The following ADGRL3 variants were observed in gnomAD, a reference collection of about 807,000 sequenced individuals.
The protein encoded by ADGRL3 is calcium-independent alpha-latrotoxin receptor 3.
Under a neutral mutation model 153.5 loss-of-function variants are expected in ADGRL3, and 62 were observed. The ratio of observed to expected loss-of-function variants is 0.40; its 90% confidence interval spans 0.33 to 0.50. The LOEUF is 0.50. Among genes scored for constraint, ADGRL3 ranks in the 20% least tolerant of loss-of-function variants. The pLI is 0.47. For missense variants in ADGRL3, 1,641 were observed against 1,859.4 expected, an observed-to-expected ratio of 0.88 and a Z score of 2.16; for synonymous variants, 710 against 672.5, an observed-to-expected ratio of 1.06 and a Z score of -0.86.
At chr4:61,951,534 A>G (rs2150354312) in intron 17 of ADGRL3, among the ~76,000 whole-genome samples, 1 of 152,318 alleles carries the variant, frequency 6.6e-6, no homozygotes, top group South Asian at 2.1e-4. Context: ...ATTATTCCCA[A>G]TTCTATGTGG....
intron 2 of ADGRL3, among the ~76,000 whole-genome samples, chr4:61,445,644 T>A (rs1201429536): frequency 6.6e-6 from 1 of 152,218 alleles, no homozygotes; most frequent in African/African-American, 2.4e-5. Flanking sequence ...TCATCGTCTC[T>A]CCTTCATTGT....
intron 1 of ADGRL3, among the ~76,000 whole-genome samples, chr4:61,248,888 A>T (rs768439617): frequency 1.1e-4 from 17 of 152,160 alleles, no homozygotes; most frequent in Non-Finnish European, 2.2e-4. Context: ...GTTTTCCTTT[A>T]TCTGTCACTA....
At chr4:61,680,164 A>C (rs1354752200) in intron 6 of ADGRL3, among the ~76,000 whole-genome samples, 1 of 152,062 alleles carries the variant, frequency 6.6e-6, no homozygotes, top group African/African-American at 2.4e-5. Context: ...TCTTGATAAA[A>C]GATCACTATT....
chr4:61,583,038 T>G (rs2098932401), intron 4 of ADGRL3, among the ~76,000 whole-genome samples: 1 of 152,094 alleles, frequency 6.6e-6, no homozygotes, highest in Admixed American at 6.6e-5. Context: ...ATTTAACGTA[T>G]TTCAACTGAA....
chr4:61,735,784 A>G (rs984580834), intron 8 of ADGRL3, among the ~76,000 whole-genome samples: 5 of 152,184 alleles, frequency 3.3e-5, no homozygotes, highest in African/African-American at 1.2e-4. Context: ...TTTATTTAGA[A>G]TAATAGATAG....
At chr4:61,565,271 A>G (rs1249692442) in intron 4 of ADGRL3, among the ~76,000 whole-genome samples, 4 of 152,176 alleles carry the variant, frequency 2.6e-5, no homozygotes, top group Non-Finnish European at 5.9e-5. Context: ...CATATCATCT[A>G]TTGTATGATT....
At chr4:61,490,449 C>G (rs1035772650) in intron 2 of ADGRL3, among the ~76,000 whole-genome samples, 1 of 152,128 alleles carries the variant, frequency 6.6e-6, no homozygotes, top group Middle Eastern at 3.4e-3. Flanking sequence ...CATGACCAAA[C>G]ACAGTGCATA....
chr4:61,431,559 T>G (rs2097355940), intron 2 of ADGRL3, among the ~76,000 whole-genome samples: 1 of 152,164 alleles, frequency 6.6e-6, no homozygotes, highest in Non-Finnish European at 1.5e-5. Context: ...ATTTAGACAA[T>G]TTCATATAAA....
At position 62,076,647 on chromosome 4, in the gene ADGRL3, C is replaced by T. The variant is rs1747228562; in HGVS notation, c.*5739C>T. 1 of 151,996 alleles carries T rather than the reference C, an allele frequency of 6.6e-6. No individual in the cohort carries two copies. The highest frequency in any genetic ancestry group is 2.4e-5 in the African/African-American group (1 of 41,440). 9.4% of individuals were successfully genotyped at this position (151,996 alleles called of 1,614,324 possible). On this transcript the variant is annotated 3_prime_UTR_variant, in exon 27 of 27. Coordinates refer to ENST00000683033, the MANE Select transcript of ADGRL3 (RefSeq NM_001387552.1). The stretch of plus-strand genomic sequence containing the variant: ...ATGGGAGTTTCCTATATTCTGATTT[C>T]ATTCTGCTAATTCCACGGGAAACAT...
At chr4:61,253,691 C>CCACACACATA (rs2091683545) in intron 1 of ADGRL3, among the ~76,000 whole-genome samples, 1 of 140,396 alleles carries the variant, frequency 7.1e-6, no homozygotes, top group Non-Finnish European at 1.6e-5. Flanking sequence ...ATGTTCAGTT[C>CCACACACATA]CACACACACA....
intron 2 of ADGRL3, among the ~76,000 whole-genome samples, chr4:61,398,217 T>G (rs1286631534): frequency 6.6e-6 from 1 of 151,710 alleles, no homozygotes; most frequent in African/African-American, 2.4e-5. Context: ...TTAAAGAGTA[T>G]TTTACTAGAA....
intron 8 of ADGRL3, among the ~76,000 whole-genome samples, chr4:61,802,333 G>A (rs2097507836): frequency 3.9e-5 from 6 of 152,036 alleles, no homozygotes; most frequent in African/African-American, 1.4e-4. Context: ...AATCTCTCTG[G>A]TAATTGGGCT....
intron 1 of ADGRL3, among the ~76,000 whole-genome samples, chr4:61,275,775 T>C (rs2093431190): frequency 6.6e-6 from 1 of 152,190 alleles, no homozygotes; most frequent in Non-Finnish European, 1.5e-5. Context: ...ACTGGGCATT[T>C]GGTTACTTAC....
intron 5 of ADGRL3, among the ~76,000 whole-genome samples, chr4:61,642,785 C>G (rs1560984642): frequency 6.6e-6 from 1 of 151,988 alleles, no homozygotes; most frequent in Non-Finnish European, 1.5e-5. Flanking sequence ...TTTTTTGGTT[C>G]CATATGAACT....
intron 5 of ADGRL3, among the ~76,000 whole-genome samples, chr4:61,629,219 T>C (rs1415060991): frequency 1.3e-5 from 2 of 152,136 alleles, no homozygotes; most frequent in Non-Finnish European, 2.9e-5. Flanking sequence ...CATTTGCAAA[T>C]AATTGATGCT....
chr4:61,644,995 A>G (rs373257592), intron 5 of ADGRL3, among the ~76,000 whole-genome samples: 3,408 of 152,112 alleles, frequency 0.022, 113 homozygotes, highest in East Asian at 0.14. Flanking sequence ...TATATTTAGG[A>G]TAGTTAGCTC....
intron 5 of ADGRL3, among the ~76,000 whole-genome samples, chr4:61,663,058 C>T (rs149504780): frequency 3.3e-5 from 5 of 152,320 alleles, no homozygotes; most frequent in Admixed American, 3.3e-4. Flanking sequence ...TTGCTTTGCT[C>T]ACCCTTCACT....
intron 1 of ADGRL3, among the ~76,000 whole-genome samples, chr4:61,314,328 A>G (rs1158223096): frequency 6.6e-6 from 1 of 150,640 alleles, no homozygotes; most frequent in East Asian, 2.0e-4. Flanking sequence ...TCCTGCCTCA[A>G]CCTCCTGAGT....
chr4:61,474,466 T>C (rs564601821), intron 2 of ADGRL3, among the ~76,000 whole-genome samples: 4 of 152,262 alleles, frequency 2.6e-5, no homozygotes, highest in Admixed American at 2.0e-4. Flanking sequence ...AATTTATTTA[T>C]TCACAGCATT....
Sources: allele counts gnomAD v4.1 joint callset (sites outside exome capture counted in the v4.1 genomes callset), GRCh38; gene constraint gnomAD v4.1.1; transcripts MANE v1.5; gene names NCBI Gene and HGNC (gene_info 2026-07-23, HGNC 2026-07-21).